Variants in PAK2 observed in about 807,000 individuals in gnomAD.
PAK2 encodes serine/threonine-protein kinase PAK 2.
A neutral mutation model predicts 65.9 loss-of-function variants in PAK2; 21 were observed. The observed-to-expected ratio is 0.32, with a 90% confidence interval of 0.23 to 0.46. The LOEUF (loss-of-function observed/expected upper bound fraction) is 0.46, where lower values mean the gene tolerates loss of function less well. Among genes scored for constraint, PAK2 ranks in the 20% least tolerant of loss-of-function variants. PAK2 has a pLI of 1.00. For synonymous variants in PAK2, 204 were observed against 219.7 expected, an observed-to-expected ratio of 0.93 and a Z score of 0.63; for missense variants, 324 against 642.6, an observed-to-expected ratio of 0.50 and a Z score of 5.36.
intron 4 of PAK2, among the ~76,000 whole-genome samples, chr3:196,804,999 T>C (rs1322531902): frequency 6.6e-6 from 1 of 152,114 alleles, no homozygotes. Flanking sequence ...GGAGAAAGTA[T>C]CTTTATCAAT....
At chr3:196,818,851 G>T (rs754805532) in intron 12 of PAK2, among the ~76,000 whole-genome samples, 1 of 151,850 alleles carries the variant, frequency 6.6e-6, no homozygotes, top group Non-Finnish European at 1.5e-5. Flanking sequence ...GGGAATAATT[G>T]TAATAATAAA....
chr3:196,811,828 A>G (rs1270967895), intron 8 of PAK2, among the ~76,000 whole-genome samples: 1 of 152,120 alleles, frequency 6.6e-6, no homozygotes, highest in Non-Finnish European at 1.5e-5. Context: ...ATGAACACCA[A>G]ATACAGGATA....
At chr3:196,776,211 C>G (rs1714529557) in intron 1 of PAK2, among the ~76,000 whole-genome samples, 1 of 152,176 alleles carries the variant, frequency 6.6e-6, no homozygotes, top group African/African-American at 2.4e-5. Context: ...TAACCCATAC[C>G]AAGGCCATGG....
intron 4 of PAK2, among the ~76,000 whole-genome samples, chr3:196,804,451 G>A (rs572681898): frequency 8.0e-5 from 12 of 150,390 alleles, no homozygotes; most frequent in South Asian, 2.1e-4. Flanking sequence ...ATGTGTGTGC[G>A]CACGCGCGTG....
In PAK2 at chr3:196,828,563, G is replaced by T. The variant is rs1348743777; in HGVS notation, c.*158G>T. On this transcript the variant is annotated 3_prime_UTR_variant, in exon 15 of 15. Transcript: ENST00000327134. ...CTCTGAAGACAACCAAGAGAAAATTGCAAAAAGACAAGTATGACTTTTATA... is the reference window on the plus strand; with the variant it reads ...CTCTGAAGACAACCAAGAGAAAATTTCAAAAAGACAAGTATGACTTTTATA... 14 of 613,988 alleles carry T rather than the reference G, an allele frequency of 2.3e-5. No homozygotes were observed. Among genetic ancestry groups the T allele is most frequent in the Non-Finnish European group, 3.5e-5 (12 of 347,304 alleles). 38.0% of individuals were successfully genotyped at this position (613,988 alleles called of 1,614,324 possible). A position where few individuals can be genotyped will look rare whatever the true frequency, so the allele number is the denominator to read the frequency against.
intron 2 of PAK2, among the ~76,000 whole-genome samples, chr3:196,799,997 A>G (rs1715372140): frequency 6.6e-6 from 1 of 152,230 alleles, no homozygotes; most frequent in Non-Finnish European, 1.5e-5. Context: ...AACTGCAAAC[A>G]CTGCTGAGAG....
At chr3:196,764,629 AAAT>A (rs796564243) in intron 1 of PAK2, among the ~76,000 whole-genome samples, 14 of 96,688 alleles carry the variant, frequency 1.4e-4, no homozygotes, top group South Asian at 6.3e-4. Context: ...AAAAAAAAAT[AAAT>A]AAATAAATAC....
chr3:196,755,745 A>G (rs1406851635), intron 1 of PAK2, among the ~76,000 whole-genome samples: 1 of 151,236 alleles, frequency 6.6e-6, no homozygotes, highest in African/African-American at 2.4e-5. Context: ...GGCGTGAGCC[A>G]CTGCACCCAG....
At position 196,756,808 on chromosome 3, in the gene PAK2, C is replaced by T. The variant is rs140139629; in HGVS notation, c.-22+16651C>T. 2.4e-3 allele frequency among the ~76,000 whole-genome samples: 369 copies of T among 152,258 alleles called. 2 individuals are homozygous for T. Among genetic ancestry groups the T allele is most frequent in the African/African-American group, 8.4e-3 (350 of 41,538 alleles). On this transcript the variant is annotated intron_variant, in intron 1 of 14. Transcript: ENST00000327134. ...CTGAGATTGTGCCACTGCACTCTAG[C>T]CTGGGTGACAGAGCAAGATTCCATC...
In PAK2 at chr3:196,814,465, A is replaced by G. The variant is rs1251637958; in HGVS notation, c.950A>G (p.Asp317Gly). ...TGTATTTTTAGTTACCTGGTAGGAG[A>G]TGAATTGTTTGTGGTCATGGAATAC... ...VNFLDSYLVG[D>G]ELFVVMEYLA... Residue 317 changes from aspartate (D) to glycine (G), a missense_variant, in exon 11 of 15, where the codon GAT (aspartate) becomes GGT (glycine). Physicochemically the swap from Asp to Gly is moderately conservative, Grantham distance 94 (BLOSUM62 -1). Coordinates refer to ENST00000327134, the MANE Select transcript of PAK2 (RefSeq NM_002577.4). 24 of 1,382,680 alleles carry G rather than the reference A, an allele frequency of 1.7e-5. No individual in the cohort carries two copies. The East Asian group carries it at 5.6e-4, about 32-fold the overall frequency. 85.7% of individuals were successfully genotyped at this position (1,382,680 alleles called of 1,614,324 possible).
In PAK2 at chr3:196,783,679, A is replaced by T. The variant is rs541638480; in HGVS notation, c.187+846A>T. 5.9e-5 allele frequency among the ~76,000 whole-genome samples: 9 copies of T among 151,890 alleles called. No homozygotes were observed. In the South Asian group the frequency reaches 1.0e-3, roughly 18 times the overall value. Reference sequence around the variant, plus strand: ...TTTTATCAGTACCTCTGAAGTCCCCATCTGCTATACCCCATCCTAACCTTC... The same window carrying T: ...TTTTATCAGTACCTCTGAAGTCCCCTTCTGCTATACCCCATCCTAACCTTC... On this transcript the variant is annotated intron_variant, in intron 2 of 14. Coordinates refer to ENST00000327134, the MANE Select transcript of PAK2 (RefSeq NM_002577.4).
At position 196,741,586 on chromosome 3, in the gene PAK2, C is replaced by G. The variant is rs190441675; in HGVS notation, c.-22+1429C>G. Among the ~76,000 whole-genome samples, 16 of 152,284 alleles carry G rather than the reference C, an allele frequency of 1.1e-4. 1 individual carries two copies. In the South Asian group the frequency reaches 1.9e-3, roughly 18 times the overall value. On this transcript the variant is annotated intron_variant, in intron 1 of 14. Transcript: ENST00000327134. ...CCTGTAATAGATGTAGGTCTTAAAC[C>G]AACTTTCCGATTTGGTAACAGGTTG...
chr3:196,817,846 A>T (rs531848012), intron 11 of PAK2, among the ~76,000 whole-genome samples: 7 of 152,258 alleles, frequency 4.6e-5, no homozygotes, highest in East Asian at 3.9e-4. Context: ...TTTTTAAAAA[A>T]TTTTATTTTC....
At chr3:196,761,913 G>A (rs1326935108) in intron 1 of PAK2, among the ~76,000 whole-genome samples, 4 of 145,570 alleles carry the variant, frequency 2.7e-5, no homozygotes, top group Admixed American at 1.4e-4. Flanking sequence ...GGTGGCTGCC[G>A]GGCGGAGAGG....
intron 2 of PAK2, 34 bp from the exon 3 acceptor site, chr3:196,801,893 C>A (rs1324374875): frequency 9.4e-7 from 1 of 1,065,544 alleles, no homozygotes; most frequent in Non-Finnish European, 1.5e-6. Flanking sequence ...TTTAAATAGG[C>A]TGATTCTTTC....
chr3:196,805,823 C>G (rs973373391), intron 5 of PAK2, among the ~76,000 whole-genome samples: 9 of 151,712 alleles, frequency 5.9e-5, no homozygotes, highest in African/African-American at 2.2e-4. Flanking sequence ...TGGAAACAGT[C>G]GTTTTATTTG....
chr3:196,791,445 A>G lies in PAK2; in HGVS notation c.187+8612A>G, dbSNP rs1715065937. Among the ~76,000 whole-genome samples, 2 of 152,210 alleles carry G rather than the reference A, an allele frequency of 1.3e-5. No individual in the cohort carries two copies. Among genetic ancestry groups the G allele is most frequent in the Admixed American group, 1.3e-4 (2 of 15,276 alleles). On this transcript the variant is annotated intron_variant, in intron 2 of 14. Coordinates refer to ENST00000327134, the MANE Select transcript of PAK2 (RefSeq NM_002577.4). This position sits in a 1 kb window ranked among gnomAD's most constrained non-coding sequence, Gnocchi z 4.0. ...ACTTTTTACTCTATACTCCTATCAT[A>G]TATGAAACTTTAATATATTTCTCTA...
chr3:196,753,602 T>C (rs894352422), intron 1 of PAK2, among the ~76,000 whole-genome samples: 23 of 152,254 alleles, frequency 1.5e-4, no homozygotes, highest in African/African-American at 5.5e-4. Flanking sequence ...TACATTTAAA[T>C]TCATTAGTCA....
chr3:196,759,822 G>A (rs1713904014), intron 1 of PAK2, among the ~76,000 whole-genome samples: 1 of 152,078 alleles, frequency 6.6e-6, no homozygotes, highest in African/African-American at 2.4e-5. Flanking sequence ...ACTGTGCCCA[G>A]CCAGTTAAGT....
Sources: gnomAD v4.1 joint callset for allele counts (sites outside exome capture counted in the v4.1 genomes callset) on GRCh38, gnomAD v4.1.1 for gene constraint, Gnocchi (gnomAD v3.1) non-coding constraint, MANE v1.5 for transcripts, NCBI Gene and HGNC (gene_info 2026-07-23, HGNC 2026-07-21) for gene names.